Variants in LRRC9 observed in about 807,000 individuals in gnomAD.
LRRC9 encodes the protein leucine-rich repeat-containing protein 9.
A neutral mutation model predicts 63.2 loss-of-function variants in LRRC9; 122 were observed. That is an observed-to-expected ratio of 1.93 (90% confidence interval 1.67 to 2.24). The LOEUF is 2.24. Among genes scored for constraint, LRRC9 ranks in the 30% most tolerant of loss-of-function variants. The probability of loss-of-function intolerance (pLI) is 0.00; values close to 1 mark genes in which losing one functional copy is unlikely to be tolerated. For missense variants in LRRC9, 1,071 were observed against 627.7 expected (o/e 1.71, Z -7.55); for synonymous variants, 366 against 213.1 (o/e 1.72, Z -6.25).
At chr14:60,063,490 T>C (rs1221459347) in exon 32 of LRRC9, 3 of 634,280 alleles carry the variant, frequency 4.7e-6, no homozygotes, top group Non-Finnish European at 5.6e-6. Flanking sequence ...ACTGAAGCAC[T>C]TCAGTTCCAT....
Position 60,039,114 on chromosome 14 carries a change from C to T in LRRC9, c.3990+7051C>T, listed in dbSNP as rs543778824. 4.2e-3 allele frequency among the ~76,000 whole-genome samples: 641 copies of T among 152,242 alleles called. 3 individuals are homozygous for T. The highest frequency in any genetic ancestry group is 0.014 in the African/African-American group (601 of 41,516). ...CAGACTTGCATCCCAGTGATGAAGCCGACTTAATCGTGGTGGATAAGCTTT... is the reference window on the plus strand; with the variant it reads ...CAGACTTGCATCCCAGTGATGAAGCTGACTTAATCGTGGTGGATAAGCTTT... On this transcript the variant is annotated intron_variant, in intron 29 of 31. Coordinates refer to ENST00000445360, the Ensembl canonical transcript of LRRC9.
chr14:59,992,842 G>A (rs1174005891), intron 17 of LRRC9, among the ~76,000 whole-genome samples: 4 of 152,198 alleles, frequency 2.6e-5, no homozygotes, highest in East Asian at 3.8e-4. Context: ...TGGTGTACCC[G>A]AAAGTGACAG....
chr14:60,045,853 G>A (rs1460586756), intron 29 of LRRC9, among the ~76,000 whole-genome samples: 3 of 152,130 alleles, frequency 2.0e-5, no homozygotes, highest in Non-Finnish European at 4.4e-5. Context: ...TTGCCACACT[G>A]TCTTCCACAA....
At chr14:59,968,379 G>A (rs1885085748) in intron 12 of LRRC9, among the ~76,000 whole-genome samples, 1 of 152,202 alleles carries the variant, frequency 6.6e-6, no homozygotes, top group African/African-American at 2.4e-5. Flanking sequence ...CAACGTGAAT[G>A]TACCTAATGC....
chr14:59,934,313 G>GA (rs998113730), intron 6 of LRRC9, among the ~76,000 whole-genome samples: 40 of 151,734 alleles, frequency 2.6e-4, no homozygotes, highest in Admixed American at 7.2e-4. Context: ...ACACAAATCA[G>GA]AAAAAAAATA....
chr14:59,963,411 T>G (rs989783080), intron 10 of LRRC9, among the ~76,000 whole-genome samples: 2 of 152,018 alleles, frequency 1.3e-5, no homozygotes, highest in Non-Finnish European at 2.9e-5. Context: ...CCCATTGACA[T>G]CATACAACAT....
chr14:60,035,575 A>G (rs1413912180), intron 29 of LRRC9, among the ~76,000 whole-genome samples: 1 of 152,210 alleles, frequency 6.6e-6, no homozygotes, highest in Non-Finnish European at 1.5e-5. Flanking sequence ...CACTTTTCCC[A>G]GAACTATTTA....
chr14:59,944,591 C>A, exon 8 of LRRC9: 1 of 552,452 alleles, frequency 1.8e-6, no homozygotes, highest in South Asian at 2.6e-5. Context: ...ACTTTTAGAC[C>A]ACAGCAATGA....
At chr14:59,925,018 T>C (rs900175543) in intron 1 of LRRC9, among the ~76,000 whole-genome samples, 1 of 151,974 alleles carries the variant, frequency 6.6e-6, no homozygotes, top group African/African-American at 2.4e-5. Flanking sequence ...TTCCACCTTA[T>C]CATCTGATAA....
chr14:59,935,075 C>T (rs1890025444), intron 6 of LRRC9, among the ~76,000 whole-genome samples: 1 of 147,740 alleles, frequency 6.8e-6, no homozygotes, highest in African/African-American at 2.5e-5. Context: ...CACTTGAGAT[C>T]AGGAGTTTGA....
rs1594793808 is a variant in LRRC9 at position 59,922,656 on chromosome 14, C to T, written c.-34+2773C>T. Reference sequence around the variant, plus strand: ...AGGAGTCAGAAGGGAAAGAAAAATACGTCTTTGAGAGGAGGGAAATAAGAA... The same window carrying T: ...AGGAGTCAGAAGGGAAAGAAAAATATGTCTTTGAGAGGAGGGAAATAAGAA... On this transcript the variant is annotated intron_variant, in intron 1 of 31. Transcript: ENST00000445360. This position sits in a 1 kb window ranked among gnomAD's most constrained non-coding sequence, Gnocchi z 5.3. Among the ~76,000 whole-genome samples the T allele has an allele frequency of 2.6e-5, 4 of 152,188 alleles. No individual in the cohort carries two copies. Among genetic ancestry groups the T allele is most frequent in the Admixed American group, 2.0e-4 (3 of 15,298 alleles).
intron 29 of LRRC9, among the ~76,000 whole-genome samples, chr14:60,050,137 C>T (rs995568437): frequency 6.6e-6 from 1 of 152,092 alleles, no homozygotes; most frequent in Non-Finnish European, 1.5e-5. Context: ...GCTAAGATTA[C>T]AGGCACACAC....
At chr14:60,026,170 C>A (rs1595056855) in intron 27 of LRRC9, among the ~76,000 whole-genome samples, 2 of 151,914 alleles carry the variant, frequency 1.3e-5, no homozygotes, top group South Asian at 2.1e-4. Context: ...CAGGAGAAGT[C>A]AAAAATGTAT....
chr14:59,947,769 T>C (rs1443057955), intron 8 of LRRC9, among the ~76,000 whole-genome samples: 5 of 146,526 alleles, frequency 3.4e-5, no homozygotes, highest in African/African-American at 1.3e-4. Flanking sequence ...TAGGGAATCC[T>C]TTCCCCATTG....
chr14:60,038,905 G>A (rs1892688136), intron 29 of LRRC9, among the ~76,000 whole-genome samples: 1 of 152,168 alleles, frequency 6.6e-6, no homozygotes, highest in Non-Finnish European at 1.5e-5. Context: ...CTGTGGGTCT[G>A]TCATAAATAG....
intron 17 of LRRC9, among the ~76,000 whole-genome samples, chr14:59,987,346 A>G (rs530697416): frequency 6.6e-6 from 1 of 150,668 alleles, no homozygotes; most frequent in Non-Finnish European, 1.5e-5. Flanking sequence ...ATTATTTGTA[A>G]CAACTTGTTG....
intron 12 of LRRC9, among the ~76,000 whole-genome samples, chr14:59,974,074 G>A (rs1403074769): frequency 2.6e-5 from 4 of 152,004 alleles, no homozygotes; most frequent in Non-Finnish European, 4.4e-5. Context: ...GAACATTACC[G>A]ATAGAATACT....
At chr14:59,967,102 C>T (rs1358673717) in exon 12 of LRRC9, 2 of 639,026 alleles carry the variant, frequency 3.1e-6, no homozygotes, top group Non-Finnish European at 5.9e-6. Context: ...TAAGGAGCTA[C>T]CGAAGGATGC....
intron 12 of LRRC9, among the ~76,000 whole-genome samples, chr14:59,971,321 T>C (rs746901661): frequency 1.2e-4 from 18 of 152,206 alleles, no homozygotes; most frequent in Non-Finnish European, 2.1e-4. Flanking sequence ...CCATGCCGTT[T>C]TCTTACTGTA....
Sources: allele counts gnomAD v4.1 joint callset (sites outside exome capture counted in the v4.1 genomes callset), GRCh38; gene constraint gnomAD v4.1.1; non-coding constraint Gnocchi (gnomAD v3.1); transcripts MANE v1.5; gene names NCBI Gene and HGNC (gene_info 2026-07-23, HGNC 2026-07-21).